CCDC178: variants seen among roughly 807,000 people sequenced by gnomAD.
CCDC178 encodes coiled-coil domain-containing protein 178.
CCDC178 carries 126 observed loss-of-function variants against 117.4 expected under a neutral mutation model. That is an observed-to-expected ratio of 1.07 (90% CI 0.93 to 1.24). The LOEUF (loss-of-function observed/expected upper bound fraction) is 1.24, where lower values mean the gene tolerates loss of function less well. CCDC178 is among the 50% of genes most tolerant of loss of function. The pLI, the probability that CCDC178 is intolerant of heterozygous loss-of-function variation, is 0.00. For missense variants in CCDC178, 1,030 were observed against 986.9 expected, an observed-to-expected ratio of 1.04 and a Z score of -0.59; for synonymous variants, 283 against 313.4, an observed-to-expected ratio of 0.90 and a Z score of 1.02.
chr18:33,139,925 G>A (rs2058179439), intron 20 of CCDC178, among the ~76,000 whole-genome samples: 1 of 152,070 alleles, frequency 6.6e-6, no homozygotes, highest in South Asian at 2.1e-4. Flanking sequence ...TGGTTTCATG[G>A]GCCAGGCTCA....
intron 20 of CCDC178, among the ~76,000 whole-genome samples, chr18:33,115,980 A>C (rs975927252): frequency 1.3e-5 from 2 of 152,100 alleles, no homozygotes; most frequent in Non-Finnish European, 2.9e-5. Context: ...CAGTTTTTCA[A>C]CTTGAAACTT....
chr18:33,196,928 C>CTTGCATTCTGTCTACCTT (rs1397625668), intron 20 of CCDC178, among the ~76,000 whole-genome samples: 1 of 152,134 alleles, frequency 6.6e-6, no homozygotes, highest in Non-Finnish European at 1.5e-5. Flanking sequence ...TGATATATTG[C>CTTGCATTCTGTCTACCTT]TTGCATTCTG....
intron 3 of CCDC178, among the ~76,000 whole-genome samples, 183 bp from the exon 4 acceptor site, chr18:33,397,391 C>A (rs918474619): frequency 6.6e-6 from 1 of 152,056 alleles, no homozygotes; most frequent in Non-Finnish European, 1.5e-5. Flanking sequence ...GATGGTGTTT[C>A]TCTGCAAAAG....
chr18:33,197,650 T>C (rs1446562847), intron 20 of CCDC178, among the ~76,000 whole-genome samples: 1 of 151,810 alleles, frequency 6.6e-6, no homozygotes, highest in Admixed American at 6.6e-5. Context: ...ATACTTATGC[T>C]CGAACCCTGA....
chr18:33,145,752 G>A (rs2058259879), intron 20 of CCDC178, among the ~76,000 whole-genome samples: 1 of 152,194 alleles, frequency 6.6e-6, no homozygotes, highest in South Asian at 2.1e-4. Flanking sequence ...CTGTCAAGGA[G>A]ACCATGAAGG....
At chr18:32,954,972 T>C (rs1273848638) in intron 22 of CCDC178, among the ~76,000 whole-genome samples, 2 of 152,122 alleles carry the variant, frequency 1.3e-5, no homozygotes, top group African/African-American at 4.8e-5. Context: ...CAAATACCCT[T>C]CTTTATCTCC....
chr18:33,326,197 T>A lies in CCDC178; in HGVS notation c.880-2564A>T, dbSNP rs538065176. 2.6e-5 allele frequency among the ~76,000 whole-genome samples: 4 copies of A among 152,138 alleles called. 1 individual carries two copies. The South Asian group carries it at 8.3e-4, about 32-fold the overall frequency. Reference sequence around the variant, plus strand: ...CAGCTTATGGGTGGCAACCAGTGGGTGTGGGTAGCTAAATTTCAGGAGATC... The same window carrying A: ...CAGCTTATGGGTGGCAACCAGTGGGAGTGGGTAGCTAAATTTCAGGAGATC... On this transcript the variant is annotated intron_variant, in intron 10 of 22. Transcript: ENST00000383096.
In CCDC178 at chr18:33,293,257, T is replaced by C; in HGVS notation, c.1078A>G (p.Asn360Asp). ...LFDHYSSSVINVNTNIEEKEE... is the reference protein window; with the variant it reads ...LFDHYSSSVIDVNTNIEEKEE... ...TTCTCCTCAATATTAGTATTAACAT[T>C]TATCACTGATGAAGAGTAATGATCA... Residue 360 changes from asparagine to aspartate, a missense_variant, in exon 12 of 23, where the codon AAT becomes GAT. Coordinates refer to ENST00000383096, the MANE Select transcript of CCDC178 (RefSeq NM_001105528.4). 2 of 1,555,590 alleles carry C rather than the reference T, an allele frequency of 1.3e-6. No individual in the cohort carries two copies. The highest frequency in any genetic ancestry group is 1.8e-6 in the Non-Finnish European group (2 of 1,129,522).
At chr18:33,116,425 AAAGT>A (rs1178727644) in intron 20 of CCDC178, among the ~76,000 whole-genome samples, 1 of 152,180 alleles carries the variant, frequency 6.6e-6, no homozygotes, top group African/African-American at 2.4e-5. Flanking sequence ...AAATCACTAC[AAAGT>A]AAGCAGCTTA....
chr18:32,981,018 G>C (rs2055144149), intron 21 of CCDC178, among the ~76,000 whole-genome samples: 1 of 151,982 alleles, frequency 6.6e-6, no homozygotes, highest in South Asian at 2.1e-4. Context: ...ATACATTATG[G>C]TATGTTCATA....
At chr18:33,416,140 T>C (rs1470451999) in intron 2 of CCDC178, among the ~76,000 whole-genome samples, 1 of 152,086 alleles carries the variant, frequency 6.6e-6, no homozygotes, top group African/African-American at 2.4e-5. Context: ...AGAAAAAAAC[T>C]GCCCGGGCCG....
intron 15 of CCDC178, among the ~76,000 whole-genome samples, chr18:33,241,282 A>C (rs965070851): frequency 6.6e-6 from 1 of 150,978 alleles, no homozygotes. Context: ...CTAGGAACTA[A>C]ACAAGACAAG....
intron 11 of CCDC178, among the ~76,000 whole-genome samples, chr18:33,322,826 A>T (rs938170736): frequency 6.6e-6 from 1 of 151,438 alleles, no homozygotes; most frequent in African/African-American, 2.4e-5. Context: ...TGTATAAATT[A>T]ATTTTGCTTA....
chr18:33,226,916 T>C, intron 15 of CCDC178, 61 bp from the exon 16 acceptor site: 1 of 842,460 alleles, frequency 1.2e-6, no homozygotes, highest in Non-Finnish European at 1.9e-6. Context: ...AAACATTTTT[T>C]AAAACAATTG....
At chr18:33,281,460 T>C (rs573567874) in intron 12 of CCDC178, among the ~76,000 whole-genome samples, 18 of 152,154 alleles carry the variant, frequency 1.2e-4, no homozygotes, top group Non-Finnish European at 2.4e-4. Context: ...AAAGTCATGT[T>C]CAAAACTTAT....
At chr18:33,295,161 A>C (rs1409618286) in intron 11 of CCDC178, among the ~76,000 whole-genome samples, 1 of 152,200 alleles carries the variant, frequency 6.6e-6, no homozygotes, top group Non-Finnish European at 1.5e-5. Flanking sequence ...AAATAGAGCT[A>C]CACAAGCATG....
At chr18:33,396,990 T>A (rs190435427) in intron 4 of CCDC178, among the ~76,000 whole-genome samples, 159 bp downstream of exon 4, 2 of 152,256 alleles carry the variant, frequency 1.3e-5, no homozygotes, top group African/African-American at 4.8e-5. Context: ...TAGATAAGTA[T>A]TTTTTTAAAG....
intron 15 of CCDC178, among the ~76,000 whole-genome samples, chr18:33,230,761 GGT>G (rs1207024662): frequency 4.6e-5 from 7 of 152,150 alleles, no homozygotes; most frequent in African/African-American, 1.7e-4. Context: ...TGGGACAGGT[GGT>G]AGAAAAGACA....
chr18:33,026,189 G>A (rs1201871045), intron 21 of CCDC178, among the ~76,000 whole-genome samples: 1 of 152,030 alleles, frequency 6.6e-6, no homozygotes, highest in African/African-American at 2.4e-5. Flanking sequence ...CACATTAGTG[G>A]TTGCCAGGTA....
Sources: gnomAD v4.1 joint callset for allele counts (sites outside exome capture counted in the v4.1 genomes callset) on GRCh38, gnomAD v4.1.1 for gene constraint, MANE v1.5 for transcripts, NCBI Gene and HGNC (gene_info 2026-07-23, HGNC 2026-07-21) for gene names.